Variants in TRIM66 observed in about 807,000 individuals in gnomAD.
TRIM66 encodes tripartite motif containing 66, also known as tripartite motif-containing protein 66.
Under a neutral mutation model 148.2 loss-of-function variants are expected in TRIM66, and 99 were observed. The ratio of observed to expected loss-of-function variants is 0.67; its 90% confidence interval spans 0.57 to 0.79. The LOEUF is 0.79. TRIM66 is among the 30% of genes least tolerant of loss of function. The pLI is 0.00. For synonymous variants in TRIM66, 616 were observed against 635.9 expected (o/e 0.97, Z 0.47); for missense variants, 1,666 against 1,697.9 (o/e 0.98, Z 0.33).
intron 15 of TRIM66, among the ~76,000 whole-genome samples, chr11:8,633,719 A>G (rs1011286840): frequency 4.6e-5 from 7 of 152,200 alleles, no homozygotes; most frequent in African/African-American, 1.7e-4. Context: ...CCATAGCAGT[A>G]GCTTTGGAGA....
At chr11:8,657,141 AG>A (rs894866963) in intron 6 of TRIM66, among the ~76,000 whole-genome samples, 1 of 152,230 alleles carries the variant, frequency 6.6e-6, no homozygotes, top group Non-Finnish European at 1.5e-5. Flanking sequence ...CCAGAGAGGT[AG>A]GGGAGGAGAG....
Position 8,618,754 on chromosome 11 carries a change from T to TGTC in TRIM66, c.4112_4114dup (p.Arg1371dup), listed in dbSNP as rs750186670. The TGTC allele has an allele frequency of 5.5e-5, 85 of 1,549,562 alleles. No individual in the cohort carries two copies. Among genetic ancestry groups the TGTC allele is most frequent in the Non-Finnish European group, 7.2e-5 (82 of 1,146,726 alleles). On this transcript the variant is annotated inframe_insertion, in exon 24 of 25. Coordinates refer to ENST00000646038, the MANE Select transcript of TRIM66 (RefSeq NM_001388022.1). Reference sequence around the variant, plus strand: ...TGGCTGGCAGTAACTCTTTACCATATGTCGTCGCCGCCTCTTGGGTTGGAT... The same window carrying TGTC: ...TGGCTGGCAGTAACTCTTTACCATATGTCGTCGTCGCCGCCTCTTGGGTTGGAT...
At chr11:8,654,519 C>G (rs2037645051) in intron 6 of TRIM66, 1 of 152,190 alleles carries the variant, frequency 6.6e-6, no homozygotes, top group South Asian at 2.1e-4. Flanking sequence ...CCCGCAGCAC[C>G]CTGAACATCC....
chr11:8,622,762 C>A (rs1353729719), intron 18 of TRIM66, 54 bp downstream of exon 18: 1 of 1,482,452 alleles, frequency 6.7e-7, no homozygotes, highest in Non-Finnish European at 9.2e-7. Context: ...CCTGTGCCAG[C>A]ATCTCAGGAC....
intron 19 of TRIM66, 101 bp downstream of exon 19, chr11:8,621,544 A>C: frequency 3.6e-6 from 5 of 1,398,692 alleles, no homozygotes; most frequent in Middle Eastern, 5.1e-4. Context: ...GCCCCATCAG[A>C]GACTCAGGAA....
intron 7 of TRIM66, 91 bp from the exon 8 acceptor site, chr11:8,649,978 A>G: frequency 7.0e-7 from 1 of 1,428,052 alleles, no homozygotes; most frequent in Non-Finnish European, 9.4e-7. Flanking sequence ...GGGGTCCTGC[A>G]GGCCTATTCC....
Position 8,624,453 on chromosome 11 carries a change from T to G in TRIM66, c.2925A>C (p.Glu975Asp), listed in dbSNP as rs1241814971. The G allele has an allele frequency of 2.6e-6, 4 of 1,551,494 alleles. No homozygotes were observed. In the African/African-American group the frequency reaches 5.5e-5, roughly 21 times the overall value. The change falls in exon 17 of 25, where the codon GAA becomes GAC. Residue 975 changes from glutamate (E) to aspartate (D), a missense_variant. By Grantham distance (45) the Glu-to-Asp change is conservative. Around this residue, in one of 3 missense-constraint regions of TRIM66, gnomAD observed 1,431 missense variants for 1,412.4 expected, o/e 1.01. Coordinates refer to ENST00000646038, the MANE Select transcript of TRIM66 (RefSeq NM_001388022.1). Reference sequence around the variant, plus strand: ...CAGAGAGGTTAATTGGCTCCTCCAGTTCTGAGGGGATGGCCAAGTCCTTGG... The same window carrying G: ...CAGAGAGGTTAATTGGCTCCTCCAGGTCTGAGGGGATGGCCAAGTCCTTGG... The part of the protein sequence containing the change: ...DAPKDLAIPS[E>D]LEEPINLSVK...
intron 22 of TRIM66, among the ~76,000 whole-genome samples, chr11:8,619,773 G>C (rs967067490): frequency 1.3e-5 from 2 of 152,232 alleles, no homozygotes; most frequent in African/African-American, 2.4e-5. Context: ...TGGTGGGGGA[G>C]GCTGGAATGG....
Position 8,671,893 on chromosome 11 carries a change from A to G in TRIM66, c.233T>C (p.Met78Thr), listed in dbSNP as rs1249306952. 13 of 1,536,048 alleles carry G rather than the reference A, an allele frequency of 8.5e-6. No homozygotes were observed. The highest frequency in any genetic ancestry group is 5.5e-5 in the African/African-American group (4 of 73,064). ...CTGGCAGGATAGGAGATGAGAGCCC[A>G]TACCTGGCAGGTCCTGATGGCACAA... ...CSLCHQDLPG[M>T]GSHLLSCQHL... The change falls in exon 6 of 25, where the codon ATG (methionine) becomes ACG (threonine). Residue 78 changes from methionine (M) to threonine (T), a missense_variant. This residue lies in a region of TRIM66 where 1,431 missense variants were observed against 1,412.4 expected (regional missense o/e 1.01). Transcript: ENST00000646038.
chr11:8,621,429 T>G, intron 19 of TRIM66, 108 bp from the exon 20 acceptor site: 1 of 1,410,278 alleles, frequency 7.1e-7, no homozygotes, highest in Non-Finnish European at 9.3e-7. Context: ...GAGCCACTTA[T>G]TCCAGGACCC....
chr11:8,637,826 A>C (rs1374082487), intron 15 of TRIM66, among the ~76,000 whole-genome samples: 1 of 152,128 alleles, frequency 6.6e-6, no homozygotes, highest in African/African-American at 2.4e-5. Flanking sequence ...AGCGTAAGTG[A>C]AACAGGGCCA....
At position 8,612,544 on chromosome 11, in the gene TRIM66, A is replaced by C. The variant is rs2033461279; in HGVS notation, c.*5400T>G. On this transcript the variant is annotated 3_prime_UTR_variant, in exon 25 of 25. Coordinates refer to ENST00000646038, the MANE Select transcript of TRIM66 (RefSeq NM_001388022.1). The stretch of plus-strand genomic sequence containing the variant: ...TGGTGTTCAGACTCTCAAATCAGAT[A>C]TCTTTCTAGTATATACCTCCTTACC... 1 of 152,206 alleles carries C rather than the reference A, an allele frequency of 6.6e-6. No individual in the cohort carries two copies. The highest frequency in any genetic ancestry group is 1.5e-5 in the Non-Finnish European group (1 of 68,044). The allele number at this position is 152,206 out of a possible 1,614,324, so 9.4% of individuals were successfully genotyped here.
chr11:8,677,398 A>G (rs531635441), intron 3 of TRIM66, among the ~76,000 whole-genome samples: 5 of 152,336 alleles, frequency 3.3e-5, no homozygotes, highest in South Asian at 2.1e-4. Context: ...AAACGAATGA[A>G]TGAATCTCAT....
At chr11:8,637,234 G>A (rs935949514) in intron 15 of TRIM66, among the ~76,000 whole-genome samples, 3 of 152,042 alleles carry the variant, frequency 2.0e-5, no homozygotes, top group African/African-American at 4.8e-5. Context: ...GCATGGGACC[G>A]ACTATCTTAT....
intron 6 of TRIM66, among the ~76,000 whole-genome samples, chr11:8,660,822 G>T (rs58555983): frequency 0.021 from 3,199 of 152,282 alleles, 124 homozygotes; most frequent in African/African-American, 0.074. Context: ...TTTCAAGCAA[G>T]AAAAGGCATT....
chr11:8,640,768 G>A lies in TRIM66; in HGVS notation c.1607C>T (p.Pro536Leu), dbSNP rs1184573464. Residue 536 changes from proline (P) to leucine (L), a missense_variant, in exon 14 of 25, where the codon CCC becomes CTC. Coordinates refer to ENST00000646038, the MANE Select transcript of TRIM66 (RefSeq NM_001388022.1). The stretch of plus-strand genomic sequence containing the variant: ...GGATGTGCTCTCCTGCTCCACGGGG[G>A]GCTGGGTTTCCAGCCAGGGCTGCAG... ...KLLQPWLETQ[P>L]PVEQESTSQR... 1 of 1,551,306 alleles carries A rather than the reference G, an allele frequency of 6.4e-7. No homozygotes were observed.
intron 9 of TRIM66, 86 bp from the exon 10 acceptor site, chr11:8,648,172 G>C: frequency 7.9e-7 from 1 of 1,270,656 alleles, no homozygotes. Context: ...ACAGGGAACT[G>C]TCTCAGCCAG....
intron 6 of TRIM66, among the ~76,000 whole-genome samples, chr11:8,668,560 C>T (rs914281215): frequency 1.3e-5 from 2 of 151,844 alleles, no homozygotes; most frequent in African/African-American, 4.8e-5. Context: ...GATTGGATTC[C>T]AAGATGGCAT....
At chr11:8,673,734 T>C (rs537752214) in intron 4 of TRIM66, among the ~76,000 whole-genome samples, 2 of 152,384 alleles carry the variant, frequency 1.3e-5, no homozygotes, top group South Asian at 4.1e-4. Flanking sequence ...ATTTGTAAAC[T>C]ATATTCAGTT....
Sources: allele counts gnomAD v4.1 joint callset (sites outside exome capture counted in the v4.1 genomes callset), GRCh38; gene constraint gnomAD v4.1.1; regional missense constraint gnomAD v4.1.1; transcripts MANE v1.5; gene names NCBI Gene and HGNC (gene_info 2026-07-23, HGNC 2026-07-21).